OLR1: variants seen among roughly 807,000 people sequenced by gnomAD.
OLR1 encodes oxidized low density lipoprotein receptor 1, also known as oxidized low-density lipoprotein receptor 1.
Under a neutral mutation model 31.7 loss-of-function variants are expected in OLR1, and 23 were observed. That is an observed-to-expected ratio of 0.72 (90% CI 0.52 to 1.03). OLR1 has a LOEUF of 1.03. Ranked by LOEUF, OLR1 falls within the 50% of genes least tolerant of loss-of-function variation. OLR1 has a pLI of 0.00. For synonymous variants in OLR1, 117 were observed against 115.8 expected, an observed-to-expected ratio of 1.01 and a Z score of -0.07; for missense variants, 286 against 315.7, an observed-to-expected ratio of 0.91 and a Z score of 0.71.
At chr12:10,171,152 C>G (rs979923568) in intron 1 of OLR1, among the ~76,000 whole-genome samples, 8 of 152,316 alleles carry the variant, frequency 5.3e-5, no homozygotes, top group South Asian at 2.1e-4. Flanking sequence ...TTCATTGGCT[C>G]AAATGTTAAA....
At position 10,159,973 on chromosome 12, in the gene OLR1, A is replaced by G; in HGVS notation, c.729T>C (p.Cys243=). 1.2e-6 allele frequency: 2 copies of G among 1,614,050 alleles called. No homozygotes were observed. Among genetic ancestry groups the G allele is most frequent in the Non-Finnish European group, 1.7e-6 (2 of 1,179,962 alleles). ...AVSQTYPSGT[C]AYIQRGAVYA... is the part of the protein sequence containing the mutation. ...AAACAGCTCCTCGTTGTATATATGC[A>G]CAGGTACCTGAAGGGTATGTCTGGG... The change falls in exon 6 of 6, where the codon TGT becomes TGC. Residue 243 remains cysteine, a synonymous_variant. Transcript: ENST00000309539.
chr12:10,173,963 C>T (rs1393981514), upstream of OLR1, among the ~76,000 whole-genome samples: 2 of 152,116 alleles, frequency 1.3e-5, no homozygotes, highest in African/African-American at 4.8e-5. Flanking sequence ...CCATCACCAC[C>T]ATCCATCTCC....
Position 10,159,714 on chromosome 12 carries a change from A to AT in OLR1, c.*165dup, listed in dbSNP as rs1948603783. 1 of 550,244 alleles carries AT rather than the reference A, an allele frequency of 1.8e-6. No individual in the cohort carries two copies. Among genetic ancestry groups the AT allele is most frequent in the Admixed American group, 3.0e-5 (1 of 32,960 alleles). 34.1% of individuals were successfully genotyped at this position (550,244 alleles called of 1,614,324 possible). On this transcript the variant is annotated 3_prime_UTR_variant, in exon 6 of 6. Coordinates refer to ENST00000309539, the MANE Select transcript of OLR1 (RefSeq NM_002543.4). ...GGTAGCTAGAATCAAAAATGTTGAC[A>AT]TAAAGGTGCCAGGCTCCTGGAACCC...
chr12:10,164,605 A>G (rs1417566740), intron 3 of OLR1, among the ~76,000 whole-genome samples: 1 of 152,180 alleles, frequency 6.6e-6, no homozygotes, highest in African/African-American at 2.4e-5. Context: ...TATTAGAGGA[A>G]GTTTTTCTCT....
rs1201501350 is a variant in OLR1, at chr12:10,166,893, C to T, written c.243G>A (p.Leu81=). Residue 81 remains leucine, a synonymous_variant, in exon 3 of 6, where the codon CTG becomes CTA. Transcript: ENST00000309539. ...GTTGCCGGGCTGAGATCTGTCCCTC[C>T]AGTTTCTTTTTCTGGTGAGTTAGGT... is the stretch of plus-strand genomic sequence containing the variant. The part of the protein sequence containing the change: ...QANLTHQKKK[L]EGQISARQQA... The T allele has an allele frequency of 3.7e-6, 6 of 1,613,678 alleles. No individual in the cohort carries two copies. The highest frequency in any genetic ancestry group is 5.1e-6 in the Non-Finnish European group (6 of 1,179,982).
chr12:10,175,361 C>T (rs1204468239), upstream of OLR1: 1 of 152,128 alleles, frequency 6.6e-6, no homozygotes, highest in Non-Finnish European at 1.5e-5. Flanking sequence ...AGTGAATCTT[C>T]CCAGGCTCAC....
rs1483531488 is a variant in OLR1, at chr12:10,160,496, C to A, written c.565-34G>T. 2.7e-6 allele frequency: 4 copies of A among 1,506,912 alleles called. No homozygotes were observed. In the South Asian group the frequency reaches 3.4e-5, roughly 13 times the overall value. 93.3% of individuals were successfully genotyped at this position (1,506,912 alleles called of 1,614,324 possible). On this transcript the variant is annotated intron_variant, in intron 4 of 5. Coordinates refer to ENST00000309539, the MANE Select transcript of OLR1 (RefSeq NM_002543.4). ...AGTAATGTTTCTGAGTTTGTGGAAT[C>A]CACATGGTGGTTTTAGAATCTGAAA... is the stretch of plus-strand genomic sequence containing the variant.
intron 3 of OLR1, 91 bp downstream of exon 3, chr12:10,166,621 C>A (rs1948664444): frequency 7.2e-7 from 1 of 1,390,978 alleles, no homozygotes; most frequent in Non-Finnish European, 1.0e-6. Flanking sequence ...TAACAATAGA[C>A]CAATTTTGAG....
At chr12:10,174,343 G>A (rs890697729), upstream of OLR1, among the ~76,000 whole-genome samples, 7 of 152,154 alleles carry the variant, frequency 4.6e-5, no homozygotes, top group African/African-American at 1.7e-4. Flanking sequence ...GATTACAAGC[G>A]TGAGCCACCG....
intron 5 of OLR1, 33 bp downstream of exon 5, chr12:10,160,314 C>T (rs776504888): frequency 5.9e-6 from 9 of 1,523,236 alleles, no homozygotes; most frequent in South Asian, 2.3e-5. Context: ...AGGAAACTGA[C>T]GAGAGAGGCA....
upstream of OLR1, chr12:10,172,483 T>C (rs1948731721): frequency 6.2e-6 from 1 of 160,494 alleles, no homozygotes; most frequent in Non-Finnish European, 1.4e-5. Context: ...TTCCAATGTT[T>C]GTTTGCTAAT....
upstream of OLR1, among the ~76,000 whole-genome samples, chr12:10,174,870 T>A (rs1948754334): frequency 1.3e-5 from 2 of 152,262 alleles, no homozygotes; most frequent in South Asian, 2.1e-4. Context: ...TTATTTAGCA[T>A]TATGTCTTCA....
upstream of OLR1, chr12:10,172,542 T>C (rs1224747678): frequency 6.4e-6 from 1 of 155,102 alleles, no homozygotes; most frequent in Non-Finnish European, 1.4e-5. Flanking sequence ...ATCAGATATA[T>C]TCTCTTTTGA....
rs1056125322 is a variant in OLR1, at chr12:10,160,014, C to T, written c.688G>A (p.Val230Ile). The change falls in exon 6 of 6, where the codon GTC (valine) becomes ATC (isoleucine). Residue 230 changes from valine (V) to isoleucine (I), a missense_variant. Physicochemically the swap from Val to Ile is conservative, Grantham distance 29. Coordinates refer to ENST00000309539, the MANE Select transcript of OLR1 (RefSeq NM_002543.4). ...GSPLMPHLFR[V>I]RGAVSQTYPS... ...TATGTCTGGGAGACAGCGCCTCGGA[C>T]TCTAAATCTGCAGGTAGGAAAAAAC... 13 of 1,598,836 alleles carry T rather than the reference C, an allele frequency of 8.1e-6. No individual in the cohort carries two copies. The highest frequency in any genetic ancestry group is 1.0e-5 in the Non-Finnish European group (12 of 1,170,972).
chr12:10,161,108 G>T (rs1203890022), intron 3 of OLR1, among the ~76,000 whole-genome samples, 183 bp from the exon 4 acceptor site: 2 of 152,094 alleles, frequency 1.3e-5, no homozygotes, highest in Admixed American at 1.3e-4. Flanking sequence ...CCAAAGTAGT[G>T]GGACTATAGT....
Position 10,166,950 on chromosome 12 carries a change from C to T in OLR1, c.186G>A (p.Gln62=). The T allele has an allele frequency of 6.2e-7, 1 of 1,612,086 alleles. No individual in the cohort carries two copies. The highest frequency in any genetic ancestry group is 8.5e-7 in the Non-Finnish European group (1 of 1,179,560). ...TIMVLGMQLS[Q]VSDLLTQEQA... ...GCTCTTGTGTTAGGAGGTCAGACAC[C>T]TGGGATACTGAATCACAGTTGCATT... Residue 62 remains glutamine, a synonymous_variant, in exon 3 of 6, where the codon CAG becomes CAA. Transcript: ENST00000309539.
upstream of OLR1, among the ~76,000 whole-genome samples, chr12:10,173,278 T>C (rs191673044): frequency 4.2e-4 from 64 of 152,092 alleles, no homozygotes; most frequent in African/African-American, 1.4e-3. Context: ...TGATATGATA[T>C]CTGGCATTTA....
chr12:10,173,282 G>T (rs1290043916), upstream of OLR1, among the ~76,000 whole-genome samples: 1 of 151,446 alleles, frequency 6.6e-6, no homozygotes, highest in Non-Finnish European at 1.5e-5. Context: ...ATGATATCTG[G>T]CATTTACTTT....
chr12:10,163,220 T>C (rs1295811191), intron 3 of OLR1, among the ~76,000 whole-genome samples: 2 of 152,166 alleles, frequency 1.3e-5, no homozygotes, highest in Non-Finnish European at 2.9e-5. Context: ...CTAGATAATG[T>C]AACTCTAGAG....
Sources: allele counts gnomAD v4.1 joint callset (sites outside exome capture counted in the v4.1 genomes callset), GRCh38; gene constraint gnomAD v4.1.1; transcripts MANE v1.5; gene names NCBI Gene and HGNC (gene_info 2026-07-23, HGNC 2026-07-21).